The following WLS variants were observed in gnomAD, a reference collection of about 807,000 sequenced individuals.
The protein encoded by WLS is Wnt ligand secretion mediator, also known as protein wntless homolog.
WLS carries 23 observed loss-of-function variants against 62.8 expected under a neutral mutation model. That is an observed-to-expected ratio of 0.37 (90% CI 0.26 to 0.52). The LOEUF is 0.52. WLS is among the 20% of genes least tolerant of loss of function. WLS has a pLI of 0.92. For synonymous variants in WLS, 246 were observed against 244.1 expected (o/e 1.01, Z -0.07); for missense variants, 615 against 697.3 (o/e 0.88, Z 1.33).
intron 2 of WLS, among the ~76,000 whole-genome samples, chr1:68,160,397 A>G (rs751165131): frequency 2.0e-5 from 3 of 152,104 alleles, no homozygotes; most frequent in Non-Finnish European, 4.4e-5. Context: ...TGAGGTTTTG[A>G]GTTTTCAATT....
intron 2 of WLS, among the ~76,000 whole-genome samples, chr1:68,187,503 T>C (rs1427503592): frequency 1.3e-5 from 2 of 152,192 alleles, no homozygotes; most frequent in Non-Finnish European, 2.9e-5. Flanking sequence ...TATTTATATA[T>C]AGAAATGTTT....
chr1:68,151,356 C>A (rs1646822930), intron 5 of WLS, among the ~76,000 whole-genome samples: 1 of 152,138 alleles, frequency 6.6e-6, no homozygotes, highest in Admixed American at 6.5e-5. Flanking sequence ...GCATACCCCA[C>A]TGGAGAACTG....
chr1:68,123,600 C>T (rs1646389312), downstream of WLS, among the ~76,000 whole-genome samples: 1 of 152,092 alleles, frequency 6.6e-6, no homozygotes, highest in South Asian at 2.1e-4. Context: ...CATCATCTTG[C>T]CCACTGTGCT....
chr1:68,111,137 A>G (rs187922), intron 11 of WLS, among the ~76,000 whole-genome samples: 143,291 of 152,310 alleles, frequency 0.94, 67,756 homozygotes, highest in African/African-American at 0.98. Context: ...CCTCCTGAAT[A>G]GTAGGAAGTA....
At chr1:68,231,571 C>G in intron 1 of WLS, 1 of 292,520 alleles carries the variant, frequency 3.4e-6, no homozygotes, top group South Asian at 2.8e-5. Flanking sequence ...CCCAACCTCC[C>G]GGCCGACAAT....
At position 68,196,384 on chromosome 1, in the gene WLS, T is replaced by C. The variant is rs1400994877; in HGVS notation, c.107-2157A>G. Among the ~76,000 whole-genome samples the C allele has an allele frequency of 5.9e-5, 9 of 152,164 alleles. No homozygotes were observed. In the East Asian group the frequency reaches 1.7e-3, roughly 29 times the overall value. Reference sequence around the variant, plus strand: ...AGTTAAAAGAAAGTGTCATCAATTATGGTTTATGTGTGTGGTTTAAATATG... The same window carrying C: ...AGTTAAAAGAAAGTGTCATCAATTACGGTTTATGTGTGTGGTTTAAATATG... On this transcript the variant is annotated intron_variant, in intron 1 of 11. Coordinates refer to ENST00000262348, the MANE Select transcript of WLS (RefSeq NM_024911.7).
intron 1 of WLS, among the ~76,000 whole-genome samples, chr1:68,222,225 T>C (rs1649971466): frequency 6.6e-6 from 1 of 152,078 alleles, no homozygotes; most frequent in Admixed American, 6.6e-5. Flanking sequence ...TTGGTGTGTG[T>C]TTTTTAGAGT....
chr1:68,133,683 G>A (rs1646564036), intron 11 of WLS, among the ~76,000 whole-genome samples: 1 of 152,234 alleles, frequency 6.6e-6, no homozygotes, highest in Non-Finnish European at 1.5e-5. Flanking sequence ...TCTTGAACCT[G>A]TGGCCCACTT....
intron 2 of WLS, among the ~76,000 whole-genome samples, chr1:68,187,855 A>G (rs1443690735): frequency 6.6e-6 from 1 of 152,172 alleles, no homozygotes; most frequent in Non-Finnish European, 1.5e-5. Flanking sequence ...AAGTTCAGTT[A>G]TAAATAACAT....
chr1:68,141,325 T>A (rs996965497), intron 10 of WLS: 1 of 152,232 alleles, frequency 6.6e-6, no homozygotes, highest in Non-Finnish European at 1.5e-5. Flanking sequence ...GTCAGGCACC[T>A]GGGGGTCCCC....
chr1:68,169,137 CA>C (rs1262622477), intron 2 of WLS, among the ~76,000 whole-genome samples: 2 of 152,230 alleles, frequency 1.3e-5, no homozygotes, highest in African/African-American at 4.8e-5. Flanking sequence ...TATTTCTAAG[CA>C]TTGCAAAACT....
intron 2 of WLS, among the ~76,000 whole-genome samples, chr1:68,171,548 A>G (rs1443571384): frequency 6.6e-6 from 1 of 152,264 alleles, no homozygotes; most frequent in African/African-American, 2.4e-5. Context: ...AATGCAGCCA[A>G]CAAACGTGAA....
chr1:68,189,204 G>T (rs1333781933), intron 2 of WLS, among the ~76,000 whole-genome samples: 3 of 152,108 alleles, frequency 2.0e-5, no homozygotes, highest in African/African-American at 7.2e-5. Context: ...GTACTTGTGT[G>T]CAAGTCATCC....
At chr1:68,133,600 G>A (rs987976412) in intron 11 of WLS, among the ~76,000 whole-genome samples, 1 of 152,046 alleles carries the variant, frequency 6.6e-6, no homozygotes, top group South Asian at 2.1e-4. Flanking sequence ...ATTTGTAAAG[G>A]GTCACTTTCT....
intron 2 of WLS, among the ~76,000 whole-genome samples, chr1:68,177,261 A>G (rs1266783510): frequency 6.6e-6 from 1 of 152,216 alleles, no homozygotes; most frequent in Non-Finnish European, 1.5e-5. Flanking sequence ...TCTGAATTCC[A>G]TGGGTGAGCT....
chr1:68,170,828 TTTA>T (rs1647142558), intron 2 of WLS, among the ~76,000 whole-genome samples: 1 of 152,182 alleles, frequency 6.6e-6, no homozygotes, highest in South Asian at 2.1e-4. Context: ...CCATCTCCTA[TTTA>T]GGCTGGGTTC....
intron 11 of WLS, among the ~76,000 whole-genome samples, chr1:68,128,034 C>T (rs946547490): frequency 1.1e-4 from 16 of 152,336 alleles, no homozygotes; most frequent in African/African-American, 3.6e-4. Context: ...TCCCTGGCCT[C>T]AGAAGCAGAC....
chr1:68,177,413 G>A (rs533783131), intron 2 of WLS, among the ~76,000 whole-genome samples: 3 of 152,300 alleles, frequency 2.0e-5, no homozygotes, highest in Admixed American at 6.5e-5. Flanking sequence ...ATCCATGGAC[G>A]GGGTCCTTTT....
At chr1:68,116,339 C>T (rs1048349853) in intron 11 of WLS, among the ~76,000 whole-genome samples, 2 of 152,310 alleles carry the variant, frequency 1.3e-5, no homozygotes, top group South Asian at 2.1e-4. Flanking sequence ...GCCAGGCTCA[C>T]GGTCACACAG....
Sources: allele counts gnomAD v4.1 joint callset (sites outside exome capture counted in the v4.1 genomes callset), GRCh38; gene constraint gnomAD v4.1.1; transcripts MANE v1.5; gene names NCBI Gene and HGNC (gene_info 2026-07-23, HGNC 2026-07-21).